CTPS1: variants seen among roughly 807,000 people sequenced by gnomAD.
The protein encoded by CTPS1 is CTP synthetase 1.
Under a neutral mutation model 80.5 loss-of-function variants are expected in CTPS1, and 25 were observed. That is an observed-to-expected ratio of 0.31 (90% CI 0.23 to 0.43). The LOEUF is 0.43. Ranked by LOEUF, CTPS1 falls within the 20% of genes least tolerant of loss-of-function variation. The pLI, the probability that CTPS1 is intolerant of heterozygous loss-of-function variation, is 1.00. For missense variants in CTPS1, 442 were observed against 725.7 expected (o/e 0.61, Z 4.49); for synonymous variants, 267 against 252.5 (o/e 1.06, Z -0.54).
chr1:40,991,292 T>C, intron 6 of CTPS1, 44 bp downstream of exon 6: 1 of 1,409,920 alleles, frequency 7.1e-7, no homozygotes, highest in South Asian at 1.3e-5. Flanking sequence ...CTTTTATGTC[T>C]AGTTAAGATC....
chr1:40,983,319 T>G lies in CTPS1; in HGVS notation c.29T>G (p.Val10Gly), dbSNP rs1173809494. 4 of 1,614,078 alleles carry G rather than the reference T, an allele frequency of 2.5e-6. No individual in the cohort carries two copies. The highest frequency in any genetic ancestry group is 2.5e-6 in the Non-Finnish European group (3 of 1,179,978). Reference protein sequence around the residue: MKYILVTGGVISGIGKGIIA... With the variant: MKYILVTGGGISGIGKGIIA... ...AAGTACATTCTGGTTACTGGTGGTG[T>G]TATATCAGGAATTGGAAAAGGAATC... The change falls in exon 2 of 19, where the codon GTT becomes GGT. Residue 10 changes from valine (V) to glycine (G), a missense_variant. By Grantham distance (109) the Val-to-Gly change is moderately radical. Transcript: ENST00000650070.
intron 12 of CTPS1, 56 bp from the exon 13 acceptor site, chr1:41,005,995 A>G: frequency 1.4e-6 from 2 of 1,383,218 alleles, no homozygotes; most frequent in Non-Finnish European, 2.1e-6. Flanking sequence ...TAGCAATGAA[A>G]CTATTAATCA....
chr1:40,980,677 T>G (rs532890675), intron 1 of CTPS1: 2 of 152,432 alleles, frequency 1.3e-5, no homozygotes, highest in South Asian at 4.1e-4. Context: ...CCCCTCAGTC[T>G]TTGTTGAATT....
At chr1:41,008,595 G>A in intron 14 of CTPS1, 64 bp from the exon 15 acceptor site, 1 of 1,536,264 alleles carries the variant, frequency 6.5e-7, no homozygotes, top group Non-Finnish European at 9.0e-7. Context: ...GAAGGAGGAT[G>A]TCTTTGTGAA....
At chr1:40,995,009 G>A (rs1371046872) in intron 7 of CTPS1, among the ~76,000 whole-genome samples, 2 of 152,052 alleles carry the variant, frequency 1.3e-5, no homozygotes, top group Non-Finnish European at 2.9e-5. Context: ...GAATCACTTG[G>A]GGAGCTTTAA....
intron 2 of CTPS1, among the ~76,000 whole-genome samples, 163 bp downstream of exon 2, chr1:40,983,619 C>CTTTTTTTTTTTT (rs56179408): frequency 1.4e-5 from 2 of 140,310 alleles, no homozygotes; most frequent in Non-Finnish European, 1.5e-5. Flanking sequence ...AAGCAGAATT[C>CTTTTTTTTTTTT]TTTTTTTTTT....
intron 7 of CTPS1, among the ~76,000 whole-genome samples, chr1:40,994,410 A>T (rs905799517): frequency 1.3e-5 from 2 of 152,234 alleles, no homozygotes; most frequent in African/African-American, 4.8e-5. Context: ...ACTAATCTTC[A>T]TAAAGTTGTT....
At chr1:41,008,368 C>T (rs1010066993) in intron 14 of CTPS1, among the ~76,000 whole-genome samples, 3 of 152,186 alleles carry the variant, frequency 2.0e-5, no homozygotes, top group Admixed American at 6.5e-5. Context: ...CTTTCCAAGG[C>T]AGTTTTCTAG....
intron 14 of CTPS1, 90 bp from the exon 15 acceptor site, chr1:41,008,569 A>G (rs923577249): frequency 9.3e-6 from 13 of 1,396,350 alleles, no homozygotes; most frequent in Non-Finnish European, 1.3e-5. Flanking sequence ...TGTGTGGATG[A>G]TGAAAAGTAA....
chr1:40,986,831 T>G (rs1012704369), intron 3 of CTPS1, among the ~76,000 whole-genome samples: 3 of 152,162 alleles, frequency 2.0e-5, no homozygotes, highest in Non-Finnish European at 2.9e-5. Context: ...GGTTCTATAA[T>G]TGGCCCAAAG....
chr1:41,008,067 C>G (rs551283786), intron 14 of CTPS1, among the ~76,000 whole-genome samples: 2 of 152,324 alleles, frequency 1.3e-5, no homozygotes, highest in African/African-American at 4.8e-5. Context: ...ACCCTTGTGT[C>G]TGTCTGGGCG....
At chr1:40,982,880 C>A (rs1642353000) in intron 1 of CTPS1, among the ~76,000 whole-genome samples, 1 of 152,030 alleles carries the variant, frequency 6.6e-6, no homozygotes, top group Admixed American at 6.6e-5. Flanking sequence ...GAATTTTTTT[C>A]CCATGTAGGG....
intron 5 of CTPS1, among the ~76,000 whole-genome samples, chr1:40,990,535 A>C (rs1478373697): frequency 6.6e-6 from 1 of 152,136 alleles, no homozygotes; most frequent in Non-Finnish European, 1.5e-5. Context: ...CTGTTATCTC[A>C]GCAGTTTGGG....
intron 11 of CTPS1, 28 bp downstream of exon 11, chr1:41,002,282 C>A (rs913143564): frequency 6.3e-7 from 1 of 1,587,952 alleles, no homozygotes; most frequent in African/African-American, 1.3e-5. Context: ...GCAGTCTTCA[C>A]TTAAGAGTAG....
chr1:40,988,430 A>AGTT (rs1446987947), intron 4 of CTPS1, 164 bp from the exon 5 acceptor site: 1 of 611,506 alleles, frequency 1.6e-6, no homozygotes, highest in East Asian at 2.7e-5. Flanking sequence ...TAGTACAAAG[A>AGTT]GTTGTCTAAT....
intron 5 of CTPS1, among the ~76,000 whole-genome samples, chr1:40,989,789 C>T (rs1642554704): frequency 1.3e-5 from 2 of 151,746 alleles, no homozygotes; most frequent in Admixed American, 6.6e-5. Flanking sequence ...GAACTGGATG[C>T]TATAAGAAAG....
Position 41,010,170 on chromosome 1 carries a change from T to C in CTPS1, c.1701T>C (p.Tyr567=), listed in dbSNP as rs774136924. The change falls in exon 18 of 19, where the codon TAT becomes TAC. Residue 567 remains tyrosine (Y), a synonymous_variant. Transcript: ENST00000650070. Reference sequence around the variant, plus strand: ...CATCTGAATTCTACAGGGACACCTATAGTGACAGGAGTGGAAGCAGCTCCC... The same window carrying C: ...CATCTGAATTCTACAGGGACACCTACAGTGACAGGAGTGGAAGCAGCTCCC... The part of the protein sequence containing the change: ...KGCRLSPRDT[Y]SDRSGSSSPD... 1.9e-6 allele frequency: 3 copies of C among 1,613,372 alleles called. No homozygotes were observed. Among genetic ancestry groups the C allele is most frequent in the Admixed American group, 3.3e-5 (2 of 60,010 alleles).
intron 1 of CTPS1, chr1:40,981,928 T>A: frequency 8.0e-7 from 1 of 1,254,334 alleles, no homozygotes; most frequent in South Asian, 1.3e-5. Context: ...TTCCTTAGTT[T>A]ATTTTTATCA....
chr1:41,010,392 A>G (rs757575716), intron 18 of CTPS1, 138 bp downstream of exon 18: 8 of 628,796 alleles, frequency 1.3e-5, no homozygotes, highest in Non-Finnish European at 2.2e-5. Flanking sequence ...TATAATCCAG[A>G]GGTTGAGAGA....
Sources: allele counts gnomAD v4.1 joint callset (sites outside exome capture counted in the v4.1 genomes callset), GRCh38; gene constraint gnomAD v4.1.1; transcripts MANE v1.5; gene names NCBI Gene and HGNC (gene_info 2026-07-23, HGNC 2026-07-21).